PRKD2: variants seen among roughly 807,000 people sequenced by gnomAD.
PRKD2 encodes the protein protein kinase D2.
PRKD2 carries 22 observed loss-of-function variants against 86.0 expected under a neutral mutation model. That is an observed-to-expected ratio of 0.26 (90% CI 0.18 to 0.37). The LOEUF (loss-of-function observed/expected upper bound fraction) is 0.37. Ranked by LOEUF, PRKD2 falls within the 10% of genes least tolerant of loss-of-function variation. The probability of loss-of-function intolerance (pLI) is 1.00; values close to 1 mark genes in which losing one functional copy is unlikely to be tolerated. For synonymous variants in PRKD2, 509 were observed against 510.9 expected (o/e 1.00, Z 0.05); for missense variants, 818 against 1,199.2 (o/e 0.68, Z 4.70).
At chr19:46,703,771 C>CAA (rs1185254793) in intron 5 of PRKD2, among the ~76,000 whole-genome samples, 1 of 114,600 alleles carries the variant, frequency 8.7e-6, no homozygotes, top group Non-Finnish European at 1.9e-5. Context: ...GACTCCGTCT[C>CAA]AAAAAAAAAA....
intron 9 of PRKD2, among the ~76,000 whole-genome samples, chr19:46,696,797 G>C (rs1306787191): frequency 6.6e-6 from 1 of 152,102 alleles, no homozygotes; most frequent in African/African-American, 2.4e-5. Flanking sequence ...AGTGAGAACA[G>C]CCTTAGAATT....
chr19:46,715,780 G>T (rs1261584564), intron 1 of PRKD2, among the ~76,000 whole-genome samples: 1 of 152,224 alleles, frequency 6.6e-6, no homozygotes, highest in East Asian at 1.9e-4. Flanking sequence ...CCACCAAATG[G>T]GAGGCCCGGG....
In PRKD2 at chr19:46,716,309, G is replaced by A. The variant is rs759742456; in HGVS notation, c.62C>T (p.Pro21Leu). Residue 21 changes from proline to leucine, a missense_variant, in exon 1 of 18, where the codon CCG becomes CTG. Pro to Leu is a moderately conservative substitution (Grantham distance 98). This residue lies in a region of PRKD2 where 403 missense variants were observed against 518.6 expected (regional missense o/e 0.78). Coordinates refer to ENST00000291281, the MANE Select transcript of PRKD2 (RefSeq NM_016457.5). This position sits in a 1 kb window ranked among gnomAD's most constrained non-coding sequence, Gnocchi z 7.9. ...CTGCAGCTCTAGGCCGCCGGGGGGC[G>A]GAGGAGACCCCGGCCCGGGAGAGCC... ...LPGSPGPGSPPPPGGLELQSP... is the reference protein window; with the variant it reads ...LPGSPGPGSPLPPGGLELQSP... 3 of 1,521,224 alleles carry A rather than the reference G, an allele frequency of 2.0e-6. No individual in the cohort carries two copies. The highest frequency in any genetic ancestry group is 2.6e-5 in the East Asian group (1 of 39,070). The allele number at this position is 1,521,224 out of a possible 1,614,324, so 94.2% of individuals were successfully genotyped here.
chr19:46,690,639 C>G lies in PRKD2; in HGVS notation c.1770G>C (p.Lys590Asn). The G allele has an allele frequency of 7.4e-6, 12 of 1,614,200 alleles. No homozygotes were observed. Among genetic ancestry groups the G allele is most frequent in the African/African-American group, 1.3e-5 (1 of 75,060 alleles). ...KVIDKLRFPT[K>N]QESQLRNEVA... ...CTTCATTCCGGAGCTGGCTCTCCTG[C>G]TTGGTAGGGAAGCGCAGTTTGTCAA... The change falls in exon 13 of 18, where the codon AAG (lysine) becomes AAC (asparagine). Residue 590 changes from lysine to asparagine, a missense_variant. Lys to Asn is a moderately conservative substitution (Grantham distance 94). Transcript: ENST00000291281.
At chr19:46,684,199 T>A (rs2053360978) in intron 14 of PRKD2, among the ~76,000 whole-genome samples, 2 of 152,018 alleles carry the variant, frequency 1.3e-5, no homozygotes, top group Admixed American at 1.3e-4. Context: ...TGGCCTCAAA[T>A]GATCTTCCCA....
rs750273265 is a variant in PRKD2, at chr19:46,711,673, G to A, written c.380-635C>T. Among the ~76,000 whole-genome samples, 77 of 152,196 alleles carry A rather than the reference G, an allele frequency of 5.1e-4. 1 individual carries two copies. Among genetic ancestry groups the A allele is most frequent in the Non-Finnish European group, 1.3e-4 (9 of 68,026 alleles). On this transcript the variant is annotated intron_variant, in intron 2 of 17. Transcript: ENST00000291281. ...CTCTCAAAGTGTTGGGATTACAGGCGTGAGCCACTGCACCCGGCCTAAAAT... is the reference window on the plus strand; with the variant it reads ...CTCTCAAAGTGTTGGGATTACAGGCATGAGCCACTGCACCCGGCCTAAAAT...
chr19:46,701,969 C>T (rs1322146589), intron 5 of PRKD2, among the ~76,000 whole-genome samples: 1 of 151,018 alleles, frequency 6.6e-6, no homozygotes, highest in African/African-American at 2.4e-5. Context: ...GTTCTAGGGA[C>T]ACTATACATC....
At chr19:46,713,828 GA>G in intron 2 of PRKD2, 34 bp downstream of exon 2, 4 of 393,590 alleles carry the variant, frequency 1.0e-5, no homozygotes, top group Non-Finnish European at 1.0e-5. Context: ...GCCCCCACCC[GA>G]GGCCCCGCCC....
chr19:46,681,828 AC>A, intron 14 of PRKD2, 80 bp from the exon 15 acceptor site: 1 of 745,934 alleles, frequency 1.3e-6, no homozygotes, highest in Non-Finnish European at 2.2e-6. Flanking sequence ...AGCCCTCCAA[AC>A]CCATCCATAC....
intron 3 of PRKD2, among the ~76,000 whole-genome samples, chr19:46,710,160 G>C (rs1189280800): frequency 6.6e-5 from 10 of 152,020 alleles, no homozygotes; most frequent in African/African-American, 2.4e-4. Flanking sequence ...GCCTCCCAAA[G>C]TGCTGGGATT....
rs1311435247 is a variant in PRKD2, at chr19:46,691,886, G to A, written c.1629+47C>T. On this transcript the variant is annotated intron_variant, in intron 11 of 17. Coordinates refer to ENST00000291281, the MANE Select transcript of PRKD2 (RefSeq NM_016457.5). ...GAGTCAAGGAGACGAGAGAGCTGAGGAGGGTTTGTGGGAGGGGAGGGCATC... is the reference window on the plus strand; with the variant it reads ...GAGTCAAGGAGACGAGAGAGCTGAGAAGGGTTTGTGGGAGGGGAGGGCATC... 2.5e-6 allele frequency: 4 copies of A among 1,611,416 alleles called. No homozygotes were observed. In the East Asian group the frequency reaches 6.7e-5, roughly 27 times the overall value.
At chr19:46,688,192 T>C (rs2053428005) in intron 14 of PRKD2, among the ~76,000 whole-genome samples, 1 of 151,736 alleles carries the variant, frequency 6.6e-6, no homozygotes, top group South Asian at 2.1e-4. Context: ...GTTTTTGAGA[T>C]GGGCTCTTGC....
At chr19:46,695,314 A>T (rs1458141066) in intron 9 of PRKD2, among the ~76,000 whole-genome samples, 2 of 152,200 alleles carry the variant, frequency 1.3e-5, no homozygotes, top group African/African-American at 4.8e-5. Flanking sequence ...GTGAAAGCCC[A>T]TCTCTACTAA....
At chr19:46,687,391 C>CA (rs1275790540) in intron 14 of PRKD2, among the ~76,000 whole-genome samples, 1 of 131,416 alleles carries the variant, frequency 7.6e-6, no homozygotes, top group Non-Finnish European at 1.6e-5. Flanking sequence ...GACCCTGTCT[C>CA]AAAAAAACAA....
chr19:46,692,310 T>C (rs1001305264), intron 10 of PRKD2, among the ~76,000 whole-genome samples: 21 of 152,198 alleles, frequency 1.4e-4, no homozygotes, highest in Middle Eastern at 3.4e-3. Context: ...ACTGACCCCA[T>C]TGTACAGAGA....
chr19:46,683,572 A>C (rs1280242541), intron 14 of PRKD2, among the ~76,000 whole-genome samples: 1 of 151,888 alleles, frequency 6.6e-6, no homozygotes, highest in Non-Finnish European at 1.5e-5. Flanking sequence ...AAATACAAAA[A>C]TTAGGCGTGG....
At chr19:46,714,962 GT>G (rs1470247828) in intron 1 of PRKD2, among the ~76,000 whole-genome samples, 3 of 152,290 alleles carry the variant, frequency 2.0e-5, no homozygotes, top group East Asian at 3.9e-4. Context: ...CAGTTTCCTT[GT>G]CTGTAGAATG....
In PRKD2 at chr19:46,693,746, T is replaced by C; in HGVS notation, c.1576+129A>G. ...GATTAACAGAGTTTGAACCCAGGCC[T>C]GCTGAGTCCAGAAGCTGCGTTCTCA... On this transcript the variant is annotated intron_variant, in intron 10 of 17. Coordinates refer to ENST00000291281, the MANE Select transcript of PRKD2 (RefSeq NM_016457.5). This position sits in a 1 kb window ranked among gnomAD's most constrained non-coding sequence, Gnocchi z 4.5. 1.5e-6 allele frequency: 2 copies of C among 1,349,108 alleles called. No homozygotes were observed. The highest frequency in any genetic ancestry group is 2.0e-6 in the Non-Finnish European group (2 of 997,526). 83.6% of individuals were successfully genotyped at this position (1,349,108 alleles called of 1,614,324 possible). A position where few individuals can be genotyped will look rare whatever the true frequency, so the allele number is the denominator to read the frequency against.
intron 2 of PRKD2, among the ~76,000 whole-genome samples, chr19:46,711,581 C>T (rs533431221): frequency 4.6e-5 from 7 of 151,960 alleles, no homozygotes; most frequent in African/African-American, 7.2e-5. Context: ...TTAGTAGAGA[C>T]GGAGTTTCAC....
Sources: allele counts gnomAD v4.1 joint callset (sites outside exome capture counted in the v4.1 genomes callset), GRCh38; gene constraint gnomAD v4.1.1; regional missense constraint gnomAD v4.1.1; non-coding constraint Gnocchi (gnomAD v3.1); transcripts MANE v1.5; gene names NCBI Gene and HGNC (gene_info 2026-07-23, HGNC 2026-07-21).